Variants in RBFOX3 observed in about 807,000 individuals in gnomAD.
The protein encoded by RBFOX3 is RNA binding protein fox-1 homolog 3.
RBFOX3 carries 17 observed loss-of-function variants against 48.7 expected under a neutral mutation model. The ratio of observed to expected loss-of-function variants is 0.35; its 90% CI spans 0.24 to 0.52. The LOEUF (loss-of-function observed/expected upper bound fraction) is 0.52. RBFOX3 is among the 20% of genes least tolerant of loss of function. RBFOX3 has a pLI of 0.94. For synonymous variants in RBFOX3, 212 were observed against 209.5 expected, an observed-to-expected ratio of 1.01 and a Z score of -0.10; for missense variants, 382 against 497.5, an observed-to-expected ratio of 0.77 and a Z score of 2.21.
chr17:79,090,825 T>TTTTTTTTG lies in RBFOX3; in HGVS notation c.*50_*57dup. ...TTTTTTTGTTTTTTTTGTTTTGTGA[T>TTTTTTTTG]TTTTTTTGTTTTTTTGTTTTTGCCC... On this transcript the variant is annotated 3_prime_UTR_variant, in exon 15 of 15. Transcript: ENST00000693108. The TTTTTTTTG allele has an allele frequency of 2.0e-6, 3 of 1,479,290 alleles. No individual in the cohort carries two copies. Among genetic ancestry groups the TTTTTTTTG allele is most frequent in the Non-Finnish European group, 2.7e-6 (3 of 1,107,782 alleles). The allele number at this position is 1,479,290 out of a possible 1,614,324, so 91.6% of individuals were successfully genotyped here.
rs58040659 is a variant in RBFOX3, at chr17:79,356,348, G to GTTTTTTTT, written c.-174-48532_-174-48525dup. Among the ~76,000 whole-genome samples the GTTTTTTTT allele has an allele frequency of 2.3e-4, 11 of 47,330 alleles. 2 individuals are homozygous for GTTTTTTTT. The highest frequency in any genetic ancestry group is 3.3e-4 in the Non-Finnish European group (8 of 24,440). The allele number at this position is 47,330 out of a possible 152,430, so 31.1% of individuals were successfully genotyped here. A position where few individuals can be genotyped will look rare whatever the true frequency, so the allele number is the denominator to read the frequency against. ...ACTTTTTCACTTTTAAAACAGGGAA[G>GTTTTTTTT]TTTTTTTTTTTTTTTTTTTTTTTTT... On this transcript the variant is annotated intron_variant, in intron 2 of 14. Transcript: ENST00000693108.
intron 1 of RBFOX3, among the ~76,000 whole-genome samples, chr17:79,569,763 T>C (rs982622191): frequency 2.6e-5 from 4 of 152,190 alleles, no homozygotes; most frequent in African/African-American, 4.8e-5. Flanking sequence ...GATGGAAAGA[T>C]AGAAAATCGA....
At chr17:79,303,767 C>T (rs915022155) in intron 3 of RBFOX3, among the ~76,000 whole-genome samples, 1 of 152,096 alleles carries the variant, frequency 6.6e-6, no homozygotes, top group African/African-American at 2.4e-5. Flanking sequence ...AGCTTCCACA[C>T]ACTAGGTGCA....
At chr17:79,127,803 A>G (rs140301928) in intron 4 of RBFOX3, among the ~76,000 whole-genome samples, 1 of 152,294 alleles carries the variant, frequency 6.6e-6, no homozygotes, top group East Asian at 1.9e-4. Context: ...CACTCATAAG[A>G]GACCTGTGAC....
At chr17:79,384,705 G>A (rs2060346433) in intron 2 of RBFOX3, among the ~76,000 whole-genome samples, 1 of 152,222 alleles carries the variant, frequency 6.6e-6, no homozygotes, top group African/African-American at 2.4e-5. Context: ...CAAGCAGGCT[G>A]CAGCCTCATA....
chr17:79,558,873 A>T lies in RBFOX3; in HGVS notation c.-320+51953T>A, dbSNP rs1223857515. On this transcript the variant is annotated intron_variant, in intron 1 of 14. Transcript: ENST00000693108. ...CAGGGCCAGCATGGAGGGCACAGAG[A>T]GGCTTGCTAAGGAGCAGGACCCCTG... Among the ~76,000 whole-genome samples, 4 of 152,208 alleles carry T rather than the reference A, an allele frequency of 2.6e-5. No homozygotes were observed. The East Asian group carries it at 7.7e-4, about 29-fold the overall frequency.
intron 4 of RBFOX3, among the ~76,000 whole-genome samples, chr17:79,134,428 T>C (rs1309707051): frequency 1.3e-5 from 2 of 152,160 alleles, no homozygotes; most frequent in African/African-American, 2.4e-5. Context: ...ACTCTGTGGG[T>C]ACAGAACCCC....
chr17:79,285,185 T>C (rs2071573921), intron 3 of RBFOX3, among the ~76,000 whole-genome samples: 1 of 152,202 alleles, frequency 6.6e-6, no homozygotes, highest in African/African-American at 2.4e-5. Flanking sequence ...AACCCTCCTC[T>C]GGGCTGTAAC....
At chr17:79,559,389 T>C (rs1181922347) in intron 1 of RBFOX3, among the ~76,000 whole-genome samples, 1 of 147,672 alleles carries the variant, frequency 6.8e-6, no homozygotes, top group African/African-American at 2.5e-5. Context: ...GATGGATGGG[T>C]GGATAAGTGA....
At chr17:79,552,374 C>T (rs2091239266) in intron 1 of RBFOX3, among the ~76,000 whole-genome samples, 1 of 152,146 alleles carries the variant, frequency 6.6e-6, no homozygotes, top group Admixed American at 6.5e-5. Context: ...CATCACACAT[C>T]AGCAAAGCCT....
chr17:79,424,308 C>T (rs2066967482), intron 2 of RBFOX3, among the ~76,000 whole-genome samples: 3 of 152,208 alleles, frequency 2.0e-5, no homozygotes, highest in Admixed American at 1.3e-4. Flanking sequence ...GGGTGAGCGT[C>T]TCTCCCTCGG....
intron 4 of RBFOX3, among the ~76,000 whole-genome samples, chr17:79,177,996 G>C (rs368698299): frequency 1.3e-5 from 2 of 152,048 alleles, no homozygotes; most frequent in Non-Finnish European, 2.9e-5. Flanking sequence ...TGCTGGCTGC[G>C]CACAGCCCAC....
rs1555750337 is a variant in RBFOX3, at chr17:79,463,151, A to ACCG, written c.-175+19302_-175+19303insCGG. Among the ~76,000 whole-genome samples the ACCG allele has an allele frequency of 2.1e-3, 312 of 146,488 alleles. 1 individual carries two copies. Among genetic ancestry groups the ACCG allele is most frequent in the African/African-American group, 7.4e-3 (290 of 39,378 alleles). Reference sequence around the variant, plus strand: ...CACCGCCACTGCCACCGCCACCTCCACCACCATCGCCACTGCCACCTCCAC... The same window carrying ACCG: ...CACCGCCACTGCCACCGCCACCTCCACCGCCACCATCGCCACTGCCACCTCCAC... On this transcript the variant is annotated intron_variant, in intron 2 of 14. Transcript: ENST00000693108.
At chr17:79,478,068 A>G (rs2078206720) in intron 2 of RBFOX3, among the ~76,000 whole-genome samples, 1 of 152,156 alleles carries the variant, frequency 6.6e-6, no homozygotes, top group Non-Finnish European at 1.5e-5. Flanking sequence ...CCCGCTGCCA[A>G]GCAACGCTCA....
intron 1 of RBFOX3, among the ~76,000 whole-genome samples, chr17:79,570,957 AG>A (rs1382828425): frequency 2.2e-4 from 33 of 152,250 alleles, no homozygotes; most frequent in East Asian, 7.7e-4. Context: ...CTGAAGGATG[AG>A]GGGGGGCCCC....
chr17:79,213,103 C>T (rs1352674874), intron 4 of RBFOX3, among the ~76,000 whole-genome samples: 4 of 152,122 alleles, frequency 2.6e-5, no homozygotes, highest in African/African-American at 7.2e-5. Context: ...GTGATCTGCC[C>T]GCCTTGGCCT....
rs565653516 is a variant in RBFOX3, at chr17:79,254,378, G to A, written c.-73-18573C>T. On this transcript the variant is annotated intron_variant, in intron 3 of 14. Coordinates refer to ENST00000693108, the MANE Select transcript of RBFOX3 (RefSeq NM_001350451.2). This position sits in a 1 kb window ranked among gnomAD's most constrained non-coding sequence, Gnocchi z 4.8. ...CTTACTCCTGAGACCCTCAGCCCTA[G>A]CTCCACATACCCCCAAACCTGCCCC... Among the ~76,000 whole-genome samples the A allele has an allele frequency of 6.6e-6, 1 of 152,100 alleles. No homozygotes were observed. The highest frequency in any genetic ancestry group is 2.1e-4 in the South Asian group (1 of 4,804).
intron 1 of RBFOX3, among the ~76,000 whole-genome samples, chr17:79,565,442 C>T (rs1468296005): frequency 2.0e-5 from 3 of 151,500 alleles, no homozygotes; most frequent in Non-Finnish European, 4.4e-5. Flanking sequence ...CAGGTTCAAG[C>T]GATTCTCCTG....
intron 4 of RBFOX3, among the ~76,000 whole-genome samples, chr17:79,147,915 T>C (rs906171478): frequency 2.6e-5 from 4 of 152,214 alleles, no homozygotes; most frequent in Admixed American, 2.0e-4. Flanking sequence ...TGAAAAGGAA[T>C]TGACTGATCC....
Sources: gnomAD v4.1 joint callset for allele counts (sites outside exome capture counted in the v4.1 genomes callset) on GRCh38, gnomAD v4.1.1 for gene constraint, Gnocchi (gnomAD v3.1) non-coding constraint, MANE v1.5 for transcripts, NCBI Gene and HGNC (gene_info 2026-07-23, HGNC 2026-07-21) for gene names.